MVB12B: variants seen among roughly 807,000 people sequenced by gnomAD.
MVB12B encodes multivesicular body subunit 12B.
In MVB12B, 16 loss-of-function variants were observed where a neutral mutation model predicts 41.6. The observed-to-expected ratio is 0.38, with a 90% CI of 0.26 to 0.58. The LOEUF (loss-of-function observed/expected upper bound fraction) is 0.58. MVB12B is among the 20% of genes least tolerant of loss of function. The pLI, the probability that MVB12B is intolerant of heterozygous loss-of-function variation, is 0.62. For synonymous variants in MVB12B, 133 were observed against 139.7 expected (o/e 0.95, Z 0.34); for missense variants, 274 against 380.2 (o/e 0.72, Z 2.32).
At chr9:126,447,739 A>T (rs917183364) in intron 7 of MVB12B, among the ~76,000 whole-genome samples, 9 of 152,168 alleles carry the variant, frequency 5.9e-5, no homozygotes, top group Admixed American at 1.3e-4. Context: ...AGATATATAC[A>T]TTCATTCATT....
At chr9:126,448,359 C>T (rs371835215) in intron 7 of MVB12B, 7 of 152,234 alleles carry the variant, frequency 4.6e-5, no homozygotes, top group African/African-American at 9.7e-5. Context: ...TGCTCAGAGC[C>T]GTTCTTTGCC....
rs192417343 is a variant in MVB12B, at chr9:126,382,932, G to A, written c.312+1761G>A. Among the ~76,000 whole-genome samples the A allele has an allele frequency of 5.3e-5, 8 of 152,248 alleles. No homozygotes were observed. In the East Asian group the frequency reaches 1.5e-3, roughly 29 times the overall value. ...TGAACATTAAAAAGATATTTATTGG[G>A]CATGATGGAGGGATGTAAGAAGAGG... is the stretch of plus-strand genomic sequence containing the variant. On this transcript the variant is annotated intron_variant, in intron 3 of 9. Transcript: ENST00000361171.
At chr9:126,329,813 A>G (rs1829076455) in intron 1 of MVB12B, among the ~76,000 whole-genome samples, 1 of 152,054 alleles carries the variant, frequency 6.6e-6, no homozygotes, top group South Asian at 2.1e-4. Context: ...CCTCCTTTGC[A>G]GGTTGGGTTG....
intron 6 of MVB12B, among the ~76,000 whole-genome samples, chr9:126,411,374 T>A (rs531777389): frequency 4.7e-4 from 71 of 152,362 alleles, no homozygotes; most frequent in African/African-American, 1.7e-3. Flanking sequence ...ACTGTCTCGG[T>A]GCCAGGCAGT....
chr9:126,460,346 C>T (rs1300604074), intron 7 of MVB12B, among the ~76,000 whole-genome samples: 1 of 152,126 alleles, frequency 6.6e-6, no homozygotes, highest in African/African-American at 2.4e-5. Context: ...CAACATAAGT[C>T]GCCAAACTAA....
chr9:126,475,482 A>G (rs1588200372), intron 7 of MVB12B, among the ~76,000 whole-genome samples: 1 of 152,170 alleles, frequency 6.6e-6, no homozygotes, highest in African/African-American at 2.4e-5. Context: ...GCTGAAATCC[A>G]TATTATTTCA....
At chr9:126,378,507 G>A (rs1374160603) in intron 2 of MVB12B, among the ~76,000 whole-genome samples, 1 of 152,032 alleles carries the variant, frequency 6.6e-6, no homozygotes, top group Non-Finnish European at 1.5e-5. Flanking sequence ...CCAGTACCTG[G>A]TCCTGTGGGT....
chr9:126,470,883 G>A (rs1037464565), intron 7 of MVB12B, among the ~76,000 whole-genome samples: 5 of 152,094 alleles, frequency 3.3e-5, no homozygotes, highest in African/African-American at 9.7e-5. Context: ...GGTAGAAAAA[G>A]GTCAACCGTG....
At chr9:126,502,725 CAG>C (rs1261412236) in intron 9 of MVB12B, among the ~76,000 whole-genome samples, 1 of 152,184 alleles carries the variant, frequency 6.6e-6, no homozygotes, top group Non-Finnish European at 1.5e-5. Flanking sequence ...GCCAGCATAT[CAG>C]GGGTCCCTAG....
At chr9:126,414,008 A>G (rs950700421) in intron 6 of MVB12B, among the ~76,000 whole-genome samples, 2 of 152,186 alleles carry the variant, frequency 1.3e-5, no homozygotes, top group Admixed American at 6.5e-5. Context: ...ATATGTGGCC[A>G]CTGGGTCTAC....
intron 7 of MVB12B, among the ~76,000 whole-genome samples, chr9:126,477,971 G>A (rs77027419): frequency 7.8e-4 from 119 of 152,250 alleles, no homozygotes; most frequent in African/African-American, 2.8e-3. Flanking sequence ...TTTCAAAGAC[G>A]TGATCATCAG....
chr9:126,392,292 C>T lies in MVB12B; in HGVS notation c.539+97C>T. 1 of 1,444,376 alleles carries T rather than the reference C, an allele frequency of 6.9e-7. No individual in the cohort carries two copies. Among genetic ancestry groups the T allele is most frequent in the South Asian group, 1.2e-5 (1 of 80,780 alleles). 89.5% of individuals were successfully genotyped at this position (1,444,376 alleles called of 1,614,324 possible). On this transcript the variant is annotated intron_variant, in intron 5 of 9. Transcript: ENST00000361171. This position sits in a 1 kb window ranked among gnomAD's most constrained non-coding sequence, Gnocchi z 4.8. ...GTCCAAGAGATTTCCATGCAGCCCC[C>T]CAGGCTCTCAGCCATGGGCCTCTGT...
intron 9 of MVB12B, among the ~76,000 whole-genome samples, chr9:126,491,452 A>G (rs1371563951): frequency 1.3e-5 from 2 of 152,228 alleles, no homozygotes; most frequent in East Asian, 1.9e-4. Context: ...GAACTGGTGC[A>G]GCCTGAAAAA....
At position 126,387,918 on chromosome 9, in the gene MVB12B, T is replaced by A. The variant is rs543369760; in HGVS notation, c.409+1260T>A. ...ATAACTAGAATGCTCACATACGTCTTACTCCAGCCACACTTTTAACCACGG... is the reference window on the plus strand; with the variant it reads ...ATAACTAGAATGCTCACATACGTCTAACTCCAGCCACACTTTTAACCACGG... On this transcript the variant is annotated intron_variant, in intron 4 of 9. Coordinates refer to ENST00000361171, the MANE Select transcript of MVB12B (RefSeq NM_033446.3). Among the ~76,000 whole-genome samples, 4 of 152,336 alleles carry A rather than the reference T, an allele frequency of 2.6e-5. No homozygotes were observed. In the South Asian group the frequency reaches 8.3e-4, roughly 32 times the overall value.
Position 126,392,966 on chromosome 9 carries a change from G to A in MVB12B, c.539+771G>A, listed in dbSNP as rs1414502892. On this transcript the variant is annotated intron_variant, in intron 5 of 9. Transcript: ENST00000361171. This position sits in a 1 kb window ranked among gnomAD's most constrained non-coding sequence, Gnocchi z 4.8. ...AAGCACGCTAGAAAGTCAGTGGAGGGCTCCAAGTCAGGAAGAAACATAAAT... is the reference window on the plus strand; with the variant it reads ...AAGCACGCTAGAAAGTCAGTGGAGGACTCCAAGTCAGGAAGAAACATAAAT... Among the ~76,000 whole-genome samples the A allele has an allele frequency of 1.3e-5, 2 of 152,218 alleles. No individual in the cohort carries two copies. Among genetic ancestry groups the A allele is most frequent in the African/African-American group, 4.8e-5 (2 of 41,454 alleles).
rs1439487627 is a variant in MVB12B, at chr9:126,503,236, C to T, written c.933C>T (p.Thr311=). ...CCGCCAGGCTCCCGCCCAGCCCCAC[C>T]AGGTGTCAGCAGATCCCGCAGTCCT... ...SAAARLPPSP[T]RCQQIPQS is the part of the protein sequence containing the mutation. The change falls in exon 10 of 10, where the codon ACC becomes ACT. Residue 311 remains threonine (T), a synonymous_variant. Coordinates refer to ENST00000361171, the MANE Select transcript of MVB12B (RefSeq NM_033446.3). 6.4e-7 allele frequency: 1 copy of T among 1,550,434 alleles called. No individual in the cohort carries two copies. The highest frequency in any genetic ancestry group is 2.4e-5 in the East Asian group (1 of 40,900).
intron 7 of MVB12B, among the ~76,000 whole-genome samples, chr9:126,457,755 G>A (rs1188247117): frequency 6.6e-6 from 1 of 152,108 alleles, no homozygotes; most frequent in African/African-American, 2.4e-5. Context: ...TACTGAGGGA[G>A]AACGGGTGGT....
chr9:126,397,718 T>A, intron 6 of MVB12B: 1 of 687,516 alleles, frequency 1.5e-6, no homozygotes, highest in Non-Finnish European at 1.8e-6. Context: ...TTTTGTGGGG[T>A]TTTTTTGTGT....
chr9:126,456,294 A>G (rs1357284435), intron 7 of MVB12B, among the ~76,000 whole-genome samples: 1 of 152,248 alleles, frequency 6.6e-6, no homozygotes, highest in Non-Finnish European at 1.5e-5. Flanking sequence ...AAATTTAAAA[A>G]TAGCTCTTTC....
Sources: gnomAD v4.1 joint callset for allele counts (sites outside exome capture counted in the v4.1 genomes callset) on GRCh38, gnomAD v4.1.1 for gene constraint, Gnocchi (gnomAD v3.1) non-coding constraint, MANE v1.5 for transcripts, NCBI Gene and HGNC (gene_info 2026-07-23, HGNC 2026-07-21) for gene names.